The following DNAAF11 variants were observed in gnomAD, a reference collection of about 807,000 sequenced individuals.
DNAAF11 encodes the protein dynein axonemal assembly factor 11, also known as leucine rich repeat containing 6.
DNAAF11 carries 45 observed loss-of-function variants against 60.8 expected under a neutral mutation model. That is an observed-to-expected ratio of 0.74 (90% CI 0.58 to 0.95). The LOEUF (loss-of-function observed/expected upper bound fraction) is 0.95. Ranked by LOEUF, DNAAF11 falls within the 40% of genes least tolerant of loss-of-function variation. DNAAF11 has a pLI of 0.00. For synonymous variants in DNAAF11, 191 were observed against 183.5 expected (o/e 1.04, Z -0.33); for missense variants, 546 against 546.2 (o/e 1.00, Z 0.00).
At chr8:132,578,532 A>T in intron 11 of DNAAF11, 4 of 1,404,920 alleles carry the variant, frequency 2.8e-6, no homozygotes, top group Non-Finnish European at 3.9e-6. Flanking sequence ...AGACAAAATC[A>T]ACAGATTTAA....
intron 10 of DNAAF11, among the ~76,000 whole-genome samples, chr8:132,591,127 A>AC (rs1356298649): frequency 6.6e-6 from 1 of 152,224 alleles, no homozygotes; most frequent in East Asian, 1.9e-4. Flanking sequence ...GTCATAATGT[A>AC]CATTTTAAGG....
intron 10 of DNAAF11, among the ~76,000 whole-genome samples, chr8:132,596,803 C>T (rs977147863): frequency 1.3e-5 from 2 of 152,192 alleles, no homozygotes; most frequent in African/African-American, 4.8e-5. Flanking sequence ...CCTGTTGCCC[C>T]CTGTAAGGAT....
intron 1 of DNAAF11, among the ~76,000 whole-genome samples, chr8:132,664,668 G>A (rs894081472): frequency 2.9e-5 from 4 of 138,140 alleles, no homozygotes; most frequent in Non-Finnish European, 6.1e-5. Flanking sequence ...TTTCACCATC[G>A]TGTCCACATT....
At chr8:132,671,383 T>C (rs989918308) in intron 1 of DNAAF11, among the ~76,000 whole-genome samples, 6 of 152,220 alleles carry the variant, frequency 3.9e-5, no homozygotes, top group Admixed American at 2.0e-4. Flanking sequence ...CATTTTGTAA[T>C]ATCTAAATAA....
chr8:132,615,756 A>T (rs976596685), intron 7 of DNAAF11, among the ~76,000 whole-genome samples: 3 of 152,216 alleles, frequency 2.0e-5, no homozygotes, highest in Non-Finnish European at 2.9e-5. Context: ...CCCGAGGTTG[A>T]GTCCTAGGTC....
chr8:132,700,554 G>A, the DNAAF11 span, among the ~76,000 whole-genome samples: 6 of 152,072 alleles, frequency 3.9e-5, no homozygotes, highest in African/African-American at 1.2e-4. Context: ...CAGATGCAGT[G>A]GTGTATACCT....
At chr8:132,629,345 T>TA (rs1214266495) in intron 5 of DNAAF11, among the ~76,000 whole-genome samples, 1 of 151,316 alleles carries the variant, frequency 6.6e-6, no homozygotes, top group Non-Finnish European at 1.5e-5. Context: ...CATTCTCTTT[T>TA]TTTTTTTCTT....
chr8:132,634,965 G>A (rs1821150701), intron 4 of DNAAF11, among the ~76,000 whole-genome samples: 1 of 151,850 alleles, frequency 6.6e-6, no homozygotes, highest in Admixed American at 6.6e-5. Flanking sequence ...ATTGATTTCT[G>A]TCTTATAAAT....
At chr8:132,611,587 T>C (rs1035586040) in intron 8 of DNAAF11, among the ~76,000 whole-genome samples, 2 of 152,194 alleles carry the variant, frequency 1.3e-5, no homozygotes, top group Admixed American at 6.5e-5. Flanking sequence ...TTGGCATTGA[T>C]TGCCCCTAAC....
intron 3 of DNAAF11, among the ~76,000 whole-genome samples, chr8:132,648,132 C>A (rs571810012): frequency 1.6e-4 from 25 of 152,288 alleles, no homozygotes; most frequent in Non-Finnish European, 2.8e-4. Flanking sequence ...CAAACCGAAT[C>A]CAGCAGCACA....
chr8:132,699,792 A>C, the DNAAF11 span, among the ~76,000 whole-genome samples: 9 of 152,210 alleles, frequency 5.9e-5, no homozygotes, highest in Non-Finnish European at 1.0e-4. Context: ...AATACATGCT[A>C]AGATGTGAGT....
At chr8:132,628,176 G>A (rs959638499) in intron 5 of DNAAF11, among the ~76,000 whole-genome samples, 1 of 152,160 alleles carries the variant, frequency 6.6e-6, no homozygotes, top group Non-Finnish European at 1.5e-5. Context: ...CACTTTGGGA[G>A]GCCGAGGTGG....
intron 10 of DNAAF11, among the ~76,000 whole-genome samples, chr8:132,588,100 G>C (rs1221070037): frequency 1.3e-5 from 2 of 151,976 alleles, no homozygotes; most frequent in Non-Finnish European, 2.9e-5. Context: ...CTTATACTTT[G>C]GGTTGAACCA....
chr8:132,640,098 T>C (rs1187359446), intron 3 of DNAAF11, among the ~76,000 whole-genome samples: 1 of 152,218 alleles, frequency 6.6e-6, no homozygotes, highest in African/African-American at 2.4e-5. Flanking sequence ...GCAAGTCTAA[T>C]AGACCTTCTT....
chr8:132,663,493 G>A (rs1392576988), intron 1 of DNAAF11, among the ~76,000 whole-genome samples: 1 of 152,158 alleles, frequency 6.6e-6, no homozygotes, highest in Admixed American at 6.5e-5. Flanking sequence ...TGGGTCAAGG[G>A]GTTGAGATTG....
At chr8:132,625,616 A>C (rs2130331728) in intron 5 of DNAAF11, among the ~76,000 whole-genome samples, 162 bp from the exon 6 acceptor site, 1 of 152,308 alleles carries the variant, frequency 6.6e-6, no homozygotes, top group Non-Finnish European at 1.5e-5. Context: ...GTTACCCTGC[A>C]TGGATATGTA....
intron 10 of DNAAF11, among the ~76,000 whole-genome samples, chr8:132,600,864 C>T (rs1303479107): frequency 6.6e-6 from 1 of 152,134 alleles, no homozygotes; most frequent in Non-Finnish European, 1.5e-5. Context: ...TAGGCATGGG[C>T]AAGGACTTCA....
the DNAAF11 span, among the ~76,000 whole-genome samples, chr8:132,702,630 G>T: frequency 6.6e-6 from 1 of 152,138 alleles, no homozygotes; most frequent in African/African-American, 2.4e-5. Flanking sequence ...AAAAGCTTAT[G>T]ATCTAGCACT....
chr8:132,654,154 G>A (rs1251619190), intron 3 of DNAAF11, among the ~76,000 whole-genome samples: 1 of 151,708 alleles, frequency 6.6e-6, no homozygotes, highest in African/African-American at 2.4e-5. Context: ...TAGACTTTAA[G>A]GCAAACATTG....
Sources: allele counts gnomAD v4.1 joint callset (sites outside exome capture counted in the v4.1 genomes callset), GRCh38; gene constraint gnomAD v4.1.1; transcripts MANE v1.5; gene names NCBI Gene and HGNC (gene_info 2026-07-23, HGNC 2026-07-21).